RNF183: variants seen among roughly 807,000 people sequenced by gnomAD.
RNF183 encodes ring finger protein 183.
In RNF183, 4 loss-of-function variants were observed where a neutral mutation model predicts 9.0. That is an observed-to-expected ratio of 0.44 (90% CI 0.22 to 1.01). The LOEUF (loss-of-function observed/expected upper bound fraction) is 1.01. Among genes scored for constraint, RNF183 ranks in the 50% least tolerant of loss-of-function variants. RNF183 has a pLI of 0.25. For synonymous variants in RNF183, 102 were observed against 107.5 expected, an observed-to-expected ratio of 0.95 and a Z score of 0.32; for missense variants, 227 against 253.6, an observed-to-expected ratio of 0.89 and a Z score of 0.71.
rs770747445 is a variant in RNF183 at position 113,299,562 on chromosome 9, G to A, written c.-38+10C>T. On this transcript the variant is annotated intron_variant, in intron 4 of 4. Coordinates refer to ENST00000489339, the MANE Select transcript of RNF183 (RefSeq NM_001371237.1). ...ATGTGCCTAAGTAACTGCAATCAGC[G>A]TGTACAAACCTCGCTGCCTTCTGCT... 2.6e-5 allele frequency: 4 copies of A among 152,150 alleles called. No individual in the cohort carries two copies. The highest frequency in any genetic ancestry group is 4.4e-5 in the Non-Finnish European group (3 of 68,058). The allele number at this position is 152,150 out of a possible 1,614,324, so 9.4% of individuals were successfully genotyped here.
rs1000778934 is a variant in RNF183 at position 113,302,190 on chromosome 9, C to T, written c.-322+5G>A. 12 of 151,876 alleles carry T rather than the reference C, an allele frequency of 7.9e-5. No homozygotes were observed. The highest frequency in any genetic ancestry group is 2.9e-4 in the African/African-American group (12 of 41,308). 9.4% of individuals were successfully genotyped at this position (151,876 alleles called of 1,614,324 possible). On this transcript the variant is annotated splice_donor_5th_base_variant and intron_variant, in intron 2 of 4. Transcript: ENST00000489339. ...ATCTCCTGTTTCCCCCCAAATCAGA[C>T]CTACCTTCTCTGAAGTTCCATGGCC...
intron 2 of RNF183, 105 bp downstream of exon 2, chr9:113,302,090 T>G (rs942241296): frequency 2.0e-5 from 3 of 151,110 alleles, no homozygotes; most frequent in African/African-American, 7.3e-5. Flanking sequence ...ATAAGTTTTT[T>G]TTTTTTTTTT....
rs1832756255 is a variant in RNF183, at chr9:113,297,481, C to G, written c.*125G>C. 1 of 647,314 alleles carries G rather than the reference C, an allele frequency of 1.5e-6. No homozygotes were observed. Among genetic ancestry groups the G allele is most frequent in the Non-Finnish European group, 2.6e-6 (1 of 387,304 alleles). The allele number at this position is 647,314 out of a possible 1,614,324, so 40.1% of individuals were successfully genotyped here. On this transcript the variant is annotated 3_prime_UTR_variant, in exon 5 of 5. Transcript: ENST00000489339. ...ATTGTTCCCAGAAGCAAACACATGG[C>G]CTGAACAATCCCTGGATTGTAAAAT...
chr9:113,300,795 G>A (rs1046488666), intron 3 of RNF183, among the ~76,000 whole-genome samples: 2 of 152,186 alleles, frequency 1.3e-5, no homozygotes, highest in African/African-American at 2.4e-5. Flanking sequence ...GGGGTGAGCG[G>A]TAGGGTAAGG....
rs1832974487 is a variant in RNF183, at chr9:113,303,155, G to GTGGGTCTTATTTGCA, written c.-555_-541dup. 1.3e-5 allele frequency: 2 copies of GTGGGTCTTATTTGCA among 152,950 alleles called. No individual in the cohort carries two copies. The highest frequency in any genetic ancestry group is 4.8e-5 in the African/African-American group (2 of 41,596). 9.5% of individuals were successfully genotyped at this position (152,950 alleles called of 1,614,324 possible). A position where few individuals can be genotyped will look rare whatever the true frequency, so the allele number is the denominator to read the frequency against. ...CAGGCCCGATTTCCAGGTAGCGTGGGTGGGTCTTATTTGCATAGGTCTTAG... is the reference window on the plus strand; with the variant it reads ...CAGGCCCGATTTCCAGGTAGCGTGGGTGGGTCTTATTTGCATGGGTCTTATTTGCATAGGTCTTAG... On this transcript the variant is annotated 5_prime_UTR_variant, in exon 1 of 5. In the 5' UTR this introduces an upstream ATG that the reference lacks. Transcript: ENST00000489339.
intron 3 of RNF183, among the ~76,000 whole-genome samples, chr9:113,300,940 G>C (rs527876712): frequency 8.1e-4 from 123 of 152,268 alleles, no homozygotes; most frequent in African/African-American, 2.8e-3. Context: ...GGTGGTGCAG[G>C]TTAGGCAGTG....
In RNF183 at chr9:113,303,303, C is replaced by T. The variant is rs184504908; in HGVS notation, c.-688G>A. 661 of 152,998 alleles carry T rather than the reference C, an allele frequency of 4.3e-3. 10 individuals carry two copies. Among genetic ancestry groups the T allele is most frequent in the Admixed American group, 0.016 (248 of 15,306 alleles). 9.5% of individuals were successfully genotyped at this position (152,998 alleles called of 1,614,324 possible). ...CTCCTGTGAGTCACTCTGGCTTTTT[C>T]TCTGAGGGGATCAAGTGCGCTCATC... is the stretch of plus-strand genomic sequence containing the variant. On this transcript the variant is annotated 5_prime_UTR_variant, in exon 1 of 5. Transcript: ENST00000489339.
Position 113,297,788 on chromosome 9 carries a change from C to G in RNF183, c.397G>C (p.Asp133His), listed in dbSNP as rs41276789. 0.011 allele frequency: 17,828 copies of G among 1,612,806 alleles called. 129 individuals are homozygous for G. The highest frequency in any genetic ancestry group is 0.019 in the African/African-American group (1,413 of 74,932). Reference protein sequence around the residue: ...QPGGQTGPPPDTASATVSTPI... With the variant: ...QPGGQTGPPPHTASATVSTPI... The stretch of plus-strand genomic sequence containing the variant: ...GTAGACACGGTGGCAGAGGCCGTGT[C>G]TGGGGGCGGCCCAGTCTGGCCCCCA... Residue 133 changes from aspartate to histidine, a missense_variant, in exon 5 of 5, where the codon GAC becomes CAC. Transcript: ENST00000489339.
chr9:113,302,481 A>G (rs1171300064), intron 1 of RNF183, among the ~76,000 whole-genome samples, 168 bp from the exon 2 acceptor site: 1 of 152,190 alleles, frequency 6.6e-6, no homozygotes, highest in Admixed American at 6.5e-5. Context: ...AAGAACTGGC[A>G]TTTCCATAGC....
At chr9:113,300,578 A>G (rs1046875760) in intron 3 of RNF183, among the ~76,000 whole-genome samples, 2 of 152,216 alleles carry the variant, frequency 1.3e-5, no homozygotes, top group Non-Finnish European at 2.9e-5. Flanking sequence ...AGACCAAAGT[A>G]TATAGGAATC....
At position 113,297,931 on chromosome 9, in the gene RNF183, C is replaced by A; in HGVS notation, c.254G>T (p.Arg85Leu). The A allele has an allele frequency of 6.2e-7, 1 of 1,613,642 alleles. No homozygotes were observed. Among genetic ancestry groups the A allele is most frequent in the Non-Finnish European group, 8.5e-7 (1 of 1,179,854 alleles). ...CAGGATGACATGGTGGGGCTCCAGG[C>A]GGAGCAGGGCGAGCATGGCAGTGTC... ...PTDTAMLALLRLEPHHVILEG... is the reference protein window; with the variant it reads ...PTDTAMLALLLLEPHHVILEG... Residue 85 changes from arginine to leucine, a missense_variant, in exon 5 of 5, where the codon CGC becomes CTC. Physicochemically the swap from Arg to Leu is moderately radical, Grantham distance 102. Transcript: ENST00000489339.
At position 113,297,885 on chromosome 9, in the gene RNF183, G is replaced by A. The variant is rs368197429; in HGVS notation, c.300C>T (p.Leu100=). The change falls in exon 5 of 5, where the codon CTC becomes CTT. Residue 100 remains leucine, a synonymous_variant. Transcript: ENST00000489339. ...AGTAGCGGCTCTTGGGCTGGTCCTT[G>A]AGGCACAGCTGATGGCCTTCCAGGA... The part of the protein sequence containing the change: ...HVILEGHQLC[L]KDQPKSRYFL... 16 of 1,613,690 alleles carry A rather than the reference G, an allele frequency of 9.9e-6. No individual in the cohort carries two copies. Among genetic ancestry groups the A allele is most frequent in the Non-Finnish European group, 1.4e-5 (16 of 1,179,924 alleles).
chr9:113,300,562 G>A (rs896812005), intron 3 of RNF183, among the ~76,000 whole-genome samples: 1 of 152,184 alleles, frequency 6.6e-6, no homozygotes, highest in African/African-American at 2.4e-5. Flanking sequence ...GATGACAGAA[G>A]AGCTGAGACC....
chr9:113,297,717 G>A lies in RNF183; in HGVS notation c.468C>T (p.Arg156=). The change falls in exon 5 of 5, where the codon CGC becomes CGT. Residue 156 remains arginine (R), a synonymous_variant. Transcript: ENST00000489339. Reference sequence around the variant, plus strand: ...AGGCAAAGATGCGGAACTGAGGGTTGCGGAAACACTCCCTCAAAGAGTGGT... The same window carrying A: ...AGGCAAAGATGCGGAACTGAGGGTTACGGAAACACTCCCTCAAAGAGTGGT... ...PSHHSLRECF[R]NPQFRIFAYL... 6.2e-7 allele frequency: 1 copy of A among 1,614,056 alleles called. No individual in the cohort carries two copies. The highest frequency in any genetic ancestry group is 8.5e-7 in the Non-Finnish European group (1 of 1,179,942).
chr9:113,297,261 CCA>C lies in RNF183; in HGVS notation c.*343_*344del, dbSNP rs532361682. 5.3e-5 allele frequency: 9 copies of C among 168,662 alleles called. No individual in the cohort carries two copies. Among genetic ancestry groups the C allele is most frequent in the Admixed American group, 1.3e-4 (2 of 15,730 alleles). The allele number at this position is 168,662 out of a possible 1,614,324, so 10.4% of individuals were successfully genotyped here. ...AATATGCACTGATTTTGAAGCAGCT[CCA>C]GTGAGAAATGCAACTTGCTATTTGG... On this transcript the variant is annotated 3_prime_UTR_variant, in exon 5 of 5. Coordinates refer to ENST00000489339, the MANE Select transcript of RNF183 (RefSeq NM_001371237.1).
Position 113,298,053 on chromosome 9 carries a change from G to A in RNF183, c.132C>T (p.Leu44=). 1.2e-6 allele frequency: 2 copies of A among 1,614,100 alleles called. No homozygotes were observed. The highest frequency in any genetic ancestry group is 1.1e-5 in the South Asian group (1 of 91,086). ...HSFCVECLAH[L]SLVTPARRRL... ...GGCGCCGGGCTGGAGTCACAAGGCT[G>A]AGGTGGGCCAGACATTCCACGCAGA... is the stretch of plus-strand genomic sequence containing the variant. The change falls in exon 5 of 5, where the codon CTC becomes CTT. Residue 44 remains leucine, a synonymous_variant. Transcript: ENST00000489339. This position sits in a 1 kb window ranked among gnomAD's most constrained non-coding sequence, Gnocchi z 4.9.
Position 113,297,578 on chromosome 9 carries a change from G to C in RNF183, c.*28C>G. 2 of 1,502,368 alleles carry C rather than the reference G, an allele frequency of 1.3e-6. No homozygotes were observed. The highest frequency in any genetic ancestry group is 1.8e-6 in the Non-Finnish European group (2 of 1,108,994). 93.1% of individuals were successfully genotyped at this position (1,502,368 alleles called of 1,614,324 possible). On this transcript the variant is annotated 3_prime_UTR_variant, in exon 5 of 5. Coordinates refer to ENST00000489339, the MANE Select transcript of RNF183 (RefSeq NM_001371237.1). Reference sequence around the variant, plus strand: ...ACCATACCCAGCAGCAACCGAAAAAGGTTTGGTTTCTTGTCTGGGAACAGC... The same window carrying C: ...ACCATACCCAGCAGCAACCGAAAAACGTTTGGTTTCTTGTCTGGGAACAGC...
At position 113,298,291 on chromosome 9, in the gene RNF183, G is replaced by C; in HGVS notation, c.-37-70C>G. 1 of 939,174 alleles carries C rather than the reference G, an allele frequency of 1.1e-6. No homozygotes were observed. Among genetic ancestry groups the C allele is most frequent in the Non-Finnish European group, 1.6e-6 (1 of 606,902 alleles). 58.2% of individuals were successfully genotyped at this position (939,174 alleles called of 1,614,324 possible). ...ATCCTTGTGCTTGGCCTGGGGCAAA[G>C]TGTTCTGTGGGTGTTGAAAGGTGTA... is the stretch of plus-strand genomic sequence containing the variant. On this transcript the variant is annotated intron_variant, in intron 4 of 4. Coordinates refer to ENST00000489339, the MANE Select transcript of RNF183 (RefSeq NM_001371237.1). This position sits in a 1 kb window ranked among gnomAD's most constrained non-coding sequence, Gnocchi z 4.9.
intron 3 of RNF183, 50 bp from the exon 4 acceptor site, chr9:113,299,825 C>T (rs1832859906): frequency 6.6e-6 from 1 of 152,250 alleles, no homozygotes; most frequent in South Asian, 2.1e-4. Context: ...GAACTACTCA[C>T]TTTGCAGATG....
Sources: allele counts gnomAD v4.1 joint callset (sites outside exome capture counted in the v4.1 genomes callset), GRCh38; gene constraint gnomAD v4.1.1; non-coding constraint Gnocchi (gnomAD v3.1); transcripts MANE v1.5; gene names NCBI Gene and HGNC (gene_info 2026-07-23, HGNC 2026-07-21).